MICB: variants seen among roughly 807,000 people sequenced by gnomAD.
The protein encoded by MICB is MHC class I antigen-related protein B.
In MICB, 27 loss-of-function variants were observed where a neutral mutation model predicts 34.3. That is an observed-to-expected ratio of 0.79 (90% CI 0.58 to 1.08). MICB has a LOEUF of 1.08. Ranked by LOEUF, MICB falls within the 50% of genes least tolerant of loss-of-function variation. The pLI is 0.00. For synonymous variants in MICB, 153 were observed against 187.4 expected (o/e 0.82, Z 1.50); for missense variants, 426 against 483.1 (o/e 0.88, Z 1.11).
upstream of MICB, chr6:31,495,006 AG>A (rs541211408): frequency 3.2e-3 from 367 of 113,040 alleles, 1 homozygote; most frequent in Non-Finnish European, 2.4e-3. Context: ...GCAAGTGCTG[AG>A]GGAGAAAACA....
Position 31,507,182 on chromosome 6 carries a change from T to A in MICB, c.774T>A (p.Pro258=). The change falls in exon 4 of 6, where the codon CCT becomes CCA. Residue 258 remains proline (P), a synonymous_variant. Transcript: ENST00000252229. This position sits in a 1 kb window ranked among gnomAD's most constrained non-coding sequence, Gnocchi z 6.0. Reference sequence around the variant, plus strand: ...CCCAGCAGTGGGGGGATGTCCTGCCTGATGGGAATGGAACCTACCAGACCT... The same window carrying A: ...CCCAGCAGTGGGGGGATGTCCTGCCAGATGGGAATGGAACCTACCAGACCT... ...HNTQQWGDVL[P]DGNGTYQTWV... is the part of the protein sequence containing the mutation. 6.2e-7 allele frequency: 1 copy of A among 1,614,106 alleles called. No individual in the cohort carries two copies. Among genetic ancestry groups the A allele is most frequent in the Non-Finnish European group, 8.5e-7 (1 of 1,180,012 alleles).
At chr6:31,498,097 A>T, upstream of MICB, 1 of 987,398 alleles carries the variant, frequency 1.0e-6, no homozygotes. Context: ...GCGGTCGCTG[A>T]GCGGGGCGCA....
intron 1 of MICB, 138 bp from the exon 2 acceptor site, chr6:31,505,479 G>A: frequency 8.0e-7 from 1 of 1,248,000 alleles, no homozygotes; most frequent in South Asian, 1.5e-5. Context: ...CCTTGTATAT[G>A]AAATCTTCGT....
At chr6:31,509,723 T>C (rs1441555159) in intron 5 of MICB, 59 bp from the exon 6 acceptor site, 44 of 1,489,038 alleles carry the variant, frequency 3.0e-5, no homozygotes, top group Non-Finnish European at 3.9e-5. Flanking sequence ...GAAAAGTCCT[T>C]AGGGAATAAA....
intron 1 of MICB, among the ~76,000 whole-genome samples, chr6:31,501,451 A>G (rs2855806): frequency 0.15 from 22,710 of 152,166 alleles, 1,899 homozygotes; most frequent in Admixed American, 0.24. Flanking sequence ...GATCCCATTT[A>G]TGCATTTTTA....
chr6:31,503,026 G>A (rs1266803580), intron 1 of MICB, among the ~76,000 whole-genome samples: 1 of 152,082 alleles, frequency 6.6e-6, no homozygotes, highest in African/African-American at 2.4e-5. Context: ...TTATTCTGTT[G>A]ATACGATGTA....
At chr6:31,505,300 C>T (rs1425983032) in intron 1 of MICB, among the ~76,000 whole-genome samples, 1 of 152,208 alleles carries the variant, frequency 6.6e-6, no homozygotes, top group Admixed American at 6.5e-5. Context: ...CCAACACTGC[C>T]TTCATGCTCC....
chr6:31,502,085 C>T lies in MICB; in HGVS notation c.71-3532C>T, dbSNP rs566805773. ...GCACGGTGGCTCACTCCTGTAATCCCAGCACTTTGGGAGGCCGAGTCAGGT... is the reference window on the plus strand; with the variant it reads ...GCACGGTGGCTCACTCCTGTAATCCTAGCACTTTGGGAGGCCGAGTCAGGT... On this transcript the variant is annotated intron_variant, in intron 1 of 5. Coordinates refer to ENST00000252229, the MANE Select transcript of MICB (RefSeq NM_005931.5). 2.6e-5 allele frequency among the ~76,000 whole-genome samples: 4 copies of T among 152,224 alleles called. No individual in the cohort carries two copies. The East Asian group carries it at 7.7e-4, about 29-fold the overall frequency.
In MICB at chr6:31,507,593, C is replaced by T; in HGVS notation, c.1024+62C>T. 1 of 1,596,252 alleles carries T rather than the reference C, an allele frequency of 6.3e-7. No individual in the cohort carries two copies. The highest frequency in any genetic ancestry group is 8.6e-7 in the Non-Finnish European group (1 of 1,166,156). On this transcript the variant is annotated intron_variant, in intron 5 of 5. Transcript: ENST00000252229. The surrounding 1 kb of genome is among the most constrained non-coding windows in gnomAD (Gnocchi z 6.0). The stretch of plus-strand genomic sequence containing the variant: ...TCCTTTCTAGGCAGTAGGGTCTCCT[C>T]ATTGCTCCTGCCCAGACAAGACGTA...
intron 1 of MICB, among the ~76,000 whole-genome samples, chr6:31,502,341 A>T (rs1582869848): frequency 6.6e-6 from 1 of 152,326 alleles, no homozygotes; most frequent in East Asian, 1.9e-4. Context: ...CATCTCAGAA[A>T]ATAAAAATAA....
chr6:31,505,903 G>A (rs1359089844), intron 2 of MICB, 32 bp downstream of exon 2: 1 of 1,563,708 alleles, frequency 6.4e-7, no homozygotes, highest in South Asian at 1.2e-5. Context: ...AGTAATGGGA[G>A]GCCTTCTCCA....
chr6:31,506,225 TG>T lies in MICB; in HGVS notation c.412del (p.Glu138SerfsTer26). ...TRGSRHFYYD[G>X]ELFLSQNLET... ...GGGGCTCCCGGCATTTCTACTACGA[TG>T]GGGAGCTCTTCCTCTCCCAAAACCT... On this transcript the variant is annotated frameshift_variant, in exon 3 of 6. Coordinates refer to ENST00000252229, the MANE Select transcript of MICB (RefSeq NM_005931.5). LOFTEE classifies it high-confidence loss of function. 3.1e-6 allele frequency: 5 copies of T among 1,614,038 alleles called. No individual in the cohort carries two copies. The highest frequency in any genetic ancestry group is 4.2e-6 in the Non-Finnish European group (5 of 1,179,988).
At chr6:31,509,547 A>C (rs13197153) in intron 5 of MICB, among the ~76,000 whole-genome samples, 5,937 of 151,696 alleles carry the variant, frequency 0.039, 178 homozygotes, top group African/African-American at 0.084. Flanking sequence ...GGGCCCTTTC[A>C]CTCCCTGCAC....
chr6:31,501,812 C>T lies in MICB; in HGVS notation c.70+3549C>T, dbSNP rs534207596. On this transcript the variant is annotated intron_variant, in intron 1 of 5. Coordinates refer to ENST00000252229, the MANE Select transcript of MICB (RefSeq NM_005931.5). ...CCGTGTGTCTGTTTTTATGCCACTA[C>T]CGTGCTGTTTTGATTACTCTAGCTC... Among the ~76,000 whole-genome samples, 29 of 152,230 alleles carry T rather than the reference C, an allele frequency of 1.9e-4. 1 individual carries two copies. Among genetic ancestry groups the T allele is most frequent in the African/African-American group, 7.0e-4 (29 of 41,502 alleles).
chr6:31,509,985 T>C lies in MICB; in HGVS notation c.*76T>C, dbSNP rs1423555318. ...CACTTTCCCTCTGTTTCCTGACCTA[T>C]GAAACAGAGAAAATAACATCACTTA... On this transcript the variant is annotated 3_prime_UTR_variant, in exon 6 of 6. Coordinates refer to ENST00000252229, the MANE Select transcript of MICB (RefSeq NM_005931.5). The C allele has an allele frequency of 1.5e-5, 20 of 1,377,110 alleles. No homozygotes were observed. In the East Asian group the frequency reaches 4.7e-4, roughly 32 times the overall value. 85.3% of individuals were successfully genotyped at this position (1,377,110 alleles called of 1,614,324 possible). A position where few individuals can be genotyped will look rare whatever the true frequency, so the allele number is the denominator to read the frequency against.
In MICB at chr6:31,499,634, C is replaced by G. The variant is rs149331267; in HGVS notation, c.70+1371C>G. On this transcript the variant is annotated intron_variant, in intron 1 of 5. Coordinates refer to ENST00000252229, the MANE Select transcript of MICB (RefSeq NM_005931.5). The stretch of plus-strand genomic sequence containing the variant: ...TGGCAGTTGGGCCTTAGGCAGGGCG[C>G]AGGGCAGCGCAGATGCCCCCTCCCC... Among the ~76,000 whole-genome samples the G allele has an allele frequency of 7.6e-3, 1,159 of 152,242 alleles. 3 individuals are homozygous for G. Among genetic ancestry groups the G allele is most frequent in the Middle Eastern group, 0.027 (8 of 294 alleles).
rs144369689 is a variant in MICB, at chr6:31,505,940, C to T, written c.325+69C>T. On this transcript the variant is annotated intron_variant, in intron 2 of 5. Transcript: ENST00000252229. ...GAAAGTTGGAGACAGAGAGCAGGGA[C>T]CTGTCTCTTCCCGCTGGATCTGGCT... The T allele has an allele frequency of 3.2e-3, 4,822 of 1,516,352 alleles. 25 individuals are homozygous for T. The highest frequency in any genetic ancestry group is 0.018 in the Middle Eastern group (105 of 5,780). 93.9% of individuals were successfully genotyped at this position (1,516,352 alleles called of 1,614,324 possible). A position where few individuals can be genotyped will look rare whatever the true frequency, so the allele number is the denominator to read the frequency against.
intron 1 of MICB, among the ~76,000 whole-genome samples, chr6:31,504,650 G>A (rs1765200288): frequency 6.6e-6 from 1 of 152,024 alleles, no homozygotes; most frequent in Non-Finnish European, 1.5e-5. Context: ...TGTGCCCTTT[G>A]ATGCACAGAT....
At chr6:31,496,172 G>A (rs1199339433), upstream of MICB, among the ~76,000 whole-genome samples, 2 of 151,546 alleles carry the variant, frequency 1.3e-5, no homozygotes, top group Non-Finnish European at 2.9e-5. Flanking sequence ...CAATGACTAA[G>A]AATGTGCGCT....
Sources: gnomAD v4.1 joint callset for allele counts (sites outside exome capture counted in the v4.1 genomes callset) on GRCh38, gnomAD v4.1.1 for gene constraint, Gnocchi (gnomAD v3.1) non-coding constraint, MANE v1.5 for transcripts, NCBI Gene and HGNC (gene_info 2026-07-23, HGNC 2026-07-21) for gene names.